The following THSD7B variants were observed in gnomAD, a reference collection of about 807,000 sequenced individuals.
THSD7B encodes thrombospondin type-1 domain-containing protein 7B.
A neutral mutation model predicts 213.6 loss-of-function variants in THSD7B; 138 were observed. The ratio of observed to expected loss-of-function variants is 0.65; its 90% CI spans 0.56 to 0.74. The LOEUF (loss-of-function observed/expected upper bound fraction) is 0.74, where lower values mean the gene tolerates loss of function less well. Ranked by LOEUF, THSD7B falls within the 30% of genes least tolerant of loss-of-function variation. The probability of loss-of-function intolerance (pLI) is 0.00; values close to 1 mark genes in which losing one functional copy is unlikely to be tolerated. For missense variants in THSD7B, 1,931 were observed against 1,991.5 expected (o/e 0.97, Z 0.58); for synonymous variants, 742 against 687.0 (o/e 1.08, Z -1.25).
At chr2:137,619,871 A>T (rs1461108009) in intron 19 of THSD7B, among the ~76,000 whole-genome samples, 1 of 152,222 alleles carries the variant, frequency 6.6e-6, no homozygotes, top group East Asian at 1.9e-4. Context: ...TATAATCATT[A>T]ATATTAGCTT....
chr2:137,311,137 G>A (rs1683894899), intron 12 of THSD7B, among the ~76,000 whole-genome samples: 1 of 151,272 alleles, frequency 6.6e-6, no homozygotes, highest in African/African-American at 2.4e-5. Context: ...CTACCCATGA[G>A]CATGGAATGT....
At chr2:137,078,162 T>C (rs1193407857) in intron 3 of THSD7B, among the ~76,000 whole-genome samples, 1 of 152,214 alleles carries the variant, frequency 6.6e-6, no homozygotes, top group Non-Finnish European at 1.5e-5. Context: ...TTCTGAGGGC[T>C]CTGTTCTGTT....
At chr2:137,253,343 T>G (rs900731068) in intron 10 of THSD7B, among the ~76,000 whole-genome samples, 9 of 152,230 alleles carry the variant, frequency 5.9e-5, no homozygotes, top group African/African-American at 2.2e-4. Flanking sequence ...TCTTTACACC[T>G]GAAATGCAAT....
intron 17 of THSD7B, among the ~76,000 whole-genome samples, chr2:137,595,103 G>C (rs941066154): frequency 2.0e-5 from 3 of 151,768 alleles, no homozygotes; most frequent in African/African-American, 7.2e-5. Flanking sequence ...CTCTTTTTCT[G>C]TGGCAAACAC....
At chr2:137,341,524 A>G (rs1573971176) in intron 12 of THSD7B, among the ~76,000 whole-genome samples, 1 of 151,582 alleles carries the variant, frequency 6.6e-6, no homozygotes, top group Non-Finnish European at 1.5e-5. Context: ...ATCATTGCCT[A>G]GATCAATGTC....
At chr2:137,011,201 T>G (rs1273834080) in intron 2 of THSD7B, among the ~76,000 whole-genome samples, 1 of 152,320 alleles carries the variant, frequency 6.6e-6, no homozygotes, top group African/African-American at 2.4e-5. Context: ...GGATCAAACC[T>G]GTGGGCTTAA....
chr2:137,125,369 G>A (rs529803418), intron 5 of THSD7B, among the ~76,000 whole-genome samples: 1 of 152,210 alleles, frequency 6.6e-6, no homozygotes, highest in African/African-American at 2.4e-5. Context: ...CAATAATGTT[G>A]AGAGCATCTT....
At chr2:137,097,127 G>A (rs1558919492) in intron 4 of THSD7B, among the ~76,000 whole-genome samples, 1 of 152,106 alleles carries the variant, frequency 6.6e-6, no homozygotes, top group Non-Finnish European at 1.5e-5. Flanking sequence ...TGATGACCTT[G>A]ACATTGATGC....
rs147448777 is a variant in THSD7B at position 136,984,944 on chromosome 2, T to C, written c.140-71476T>C. 6.8e-3 allele frequency among the ~76,000 whole-genome samples: 1,043 copies of C among 152,264 alleles called. 7 individuals carry two copies. Among genetic ancestry groups the C allele is most frequent in the Admixed American group, 0.012 (179 of 15,290 alleles). On this transcript the variant is annotated intron_variant, in intron 2 of 27. Transcript: ENST00000409968. ...AGAGAACTTAGCTGCCTTGTGTTTG[T>C]GCCCTAGGGATCTGTGGAAGTTTGA...
Position 137,315,163 on chromosome 2 carries a change from C to T in THSD7B, c.2500+39137C>T, listed in dbSNP as rs183071818. On this transcript the variant is annotated intron_variant, in intron 12 of 27. Coordinates refer to ENST00000409968, the MANE Select transcript of THSD7B (RefSeq NM_001316349.2). ...GCTGTGCTAGCAATCAGCGAGACTC[C>T]GTGGGCGTAGGACCCTCCAAGCCAG... 5.8e-3 allele frequency among the ~76,000 whole-genome samples: 884 copies of T among 152,310 alleles called. 17 individuals carry two copies. Among genetic ancestry groups the T allele is most frequent in the East Asian group, 0.031 (159 of 5,164 alleles).
At chr2:137,229,824 C>T (rs1188224675) in intron 7 of THSD7B, among the ~76,000 whole-genome samples, 1 of 152,130 alleles carries the variant, frequency 6.6e-6, no homozygotes, top group Non-Finnish European at 1.5e-5. Flanking sequence ...CTTGTGAGGA[C>T]TCAATAACAT....
chr2:137,389,173 C>G (rs1685958616), intron 12 of THSD7B, among the ~76,000 whole-genome samples: 1 of 135,982 alleles, frequency 7.4e-6, no homozygotes, highest in African/African-American at 2.9e-5. Context: ...GCACCATCAC[C>G]AGTCTCACCA....
At chr2:136,960,027 GTC>G (rs1247116809) in intron 2 of THSD7B, among the ~76,000 whole-genome samples, 1 of 152,194 alleles carries the variant, frequency 6.6e-6, no homozygotes, top group African/African-American at 2.4e-5. Flanking sequence ...TGTGTTTGAA[GTC>G]ATTTTTCAGC....
intron 5 of THSD7B, among the ~76,000 whole-genome samples, chr2:137,147,914 A>T (rs1314318860): frequency 6.6e-6 from 1 of 152,044 alleles, no homozygotes; most frequent in East Asian, 1.9e-4. Flanking sequence ...CATTTGCCTT[A>T]CTGACATTTT....
chr2:137,073,071 T>G (rs1687532484), intron 3 of THSD7B, among the ~76,000 whole-genome samples: 1 of 152,160 alleles, frequency 6.6e-6, no homozygotes, highest in Non-Finnish European at 1.5e-5. Flanking sequence ...TTCTCTTTTT[T>G]TGTTGTGTCT....
intron 2 of THSD7B, among the ~76,000 whole-genome samples, chr2:136,999,475 T>C (rs2104823715): frequency 6.6e-6 from 1 of 152,210 alleles, no homozygotes; most frequent in East Asian, 1.9e-4. Flanking sequence ...GTTTTTTTTT[T>C]TTCAAGCATG....
intron 1 of THSD7B, among the ~76,000 whole-genome samples, chr2:136,786,001 AC>A (rs1681838589): frequency 6.6e-6 from 1 of 152,228 alleles, no homozygotes; most frequent in African/African-American, 2.4e-5. Context: ...AGTTTAACTG[AC>A]ACACAAGGAT....
In THSD7B at chr2:137,216,551, G is replaced by C. The variant is rs185031914; in HGVS notation, c.1724-14493G>C. Among the ~76,000 whole-genome samples, 12 of 152,174 alleles carry C rather than the reference G, an allele frequency of 7.9e-5. No homozygotes were observed. The East Asian group carries it at 2.1e-3, about 27-fold the overall frequency. ...CTGAAATTATAGGGATCCTGTCACTGCCTGGCAGTAAACATGGTATGATTA... is the reference window on the plus strand; with the variant it reads ...CTGAAATTATAGGGATCCTGTCACTCCCTGGCAGTAAACATGGTATGATTA... On this transcript the variant is annotated intron_variant, in intron 7 of 27. Coordinates refer to ENST00000409968, the MANE Select transcript of THSD7B (RefSeq NM_001316349.2).
intron 3 of THSD7B, among the ~76,000 whole-genome samples, chr2:137,085,026 T>C (rs928047458): frequency 6.6e-6 from 1 of 152,162 alleles, no homozygotes; most frequent in Non-Finnish European, 1.5e-5. Context: ...AAAGTCTATA[T>C]AGTTTGTGAG....
Sources: allele counts gnomAD v4.1 joint callset (sites outside exome capture counted in the v4.1 genomes callset), GRCh38; gene constraint gnomAD v4.1.1; transcripts MANE v1.5; gene names NCBI Gene and HGNC (gene_info 2026-07-23, HGNC 2026-07-21).